The following UBE4B variants were observed in gnomAD, a reference collection of about 807,000 sequenced individuals.
UBE4B encodes ubiquitin conjugation factor E4 B.
In UBE4B, 27 loss-of-function variants were observed where a neutral mutation model predicts 148.1. The observed-to-expected ratio is 0.18, with a 90% CI of 0.13 to 0.25. The LOEUF (loss-of-function observed/expected upper bound fraction) is 0.25, where lower values mean the gene tolerates loss of function less well. Among genes scored for constraint, UBE4B ranks in the 10% least tolerant of loss-of-function variants. UBE4B has a pLI of 1.00. For synonymous variants in UBE4B, 596 were observed against 619.3 expected (o/e 0.96, Z 0.56); for missense variants, 1,170 against 1,662.4 (o/e 0.70, Z 5.15).
rs376448750 is a variant in UBE4B, at chr1:10,125,746, A to C, written c.1555-1048A>C. 5.9e-5 allele frequency among the ~76,000 whole-genome samples: 9 copies of C among 152,352 alleles called. No individual in the cohort carries two copies. The South Asian group carries it at 1.9e-3, about 32-fold the overall frequency. ...TGAAATTTGAAGATGAGCTAGGCTG[A>C]GTAAATCTTACATGGTGTTACCTGG... is the stretch of plus-strand genomic sequence containing the variant. On this transcript the variant is annotated intron_variant, in intron 10 of 27. Transcript: ENST00000343090.
chr1:10,053,322 T>A (rs1211082805), intron 1 of UBE4B, among the ~76,000 whole-genome samples: 1 of 151,878 alleles, frequency 6.6e-6, no homozygotes, highest in Non-Finnish European at 1.5e-5. Context: ...CTAATTTTTT[T>A]GTATTTTTAG....
chr1:10,049,159 ATTAT>A, intron 1 of UBE4B, among the ~76,000 whole-genome samples: 1 of 152,286 alleles, frequency 6.6e-6, no homozygotes, highest in African/African-American at 2.4e-5. Context: ...AGACTTGAAT[ATTAT>A]TTAATTTGTT....
At chr1:10,111,722 C>T (rs1320391961) in intron 7 of UBE4B, among the ~76,000 whole-genome samples, 1 of 152,052 alleles carries the variant, frequency 6.6e-6, no homozygotes, top group Non-Finnish European at 1.5e-5. Flanking sequence ...TTTGAGAGGC[C>T]GAGGTGGGCG....
chr1:10,050,078 G>C (rs546904455), intron 1 of UBE4B, among the ~76,000 whole-genome samples: 4 of 152,052 alleles, frequency 2.6e-5, no homozygotes, highest in Non-Finnish European at 5.9e-5. Context: ...GATCTGAAAG[G>C]CTGGTTTTTT....
intron 1 of UBE4B, among the ~76,000 whole-genome samples, chr1:10,057,302 T>A (rs948411021): frequency 1.3e-5 from 2 of 152,088 alleles, no homozygotes; most frequent in African/African-American, 4.8e-5. Context: ...CAATTTTTGT[T>A]ACAGTTTATA....
chr1:10,032,968 G>T lies in UBE4B; in HGVS notation c.-703G>T, dbSNP rs924247200. The T allele has an allele frequency of 1.3e-5, 2 of 152,258 alleles. No individual in the cohort carries two copies. The highest frequency in any genetic ancestry group is 2.4e-5 in the African/African-American group (1 of 41,460). The allele number at this position is 152,258 out of a possible 1,614,324, so 9.4% of individuals were successfully genotyped here. On this transcript the variant is annotated 5_prime_UTR_variant, in exon 1 of 28. Transcript: ENST00000343090. Reference sequence around the variant, plus strand: ...CGGGGGTCACGTGATCCCTTTCAAAGATGGCCGCCCTGTTGTTTTGATGAA... The same window carrying T: ...CGGGGGTCACGTGATCCCTTTCAAATATGGCCGCCCTGTTGTTTTGATGAA...
intron 23 of UBE4B, among the ~76,000 whole-genome samples, chr1:10,165,851 TG>T (rs1336754984): frequency 2.0e-5 from 3 of 152,186 alleles, no homozygotes; most frequent in African/African-American, 7.2e-5. Context: ...TGTGTCTGTC[TG>T]GGTATTTGTT....
At chr1:10,054,098 C>T (rs1336841129) in intron 1 of UBE4B, among the ~76,000 whole-genome samples, 2 of 151,974 alleles carry the variant, frequency 1.3e-5, no homozygotes, top group Non-Finnish European at 2.9e-5. Flanking sequence ...ATTTTTGACA[C>T]ATAAACATTT....
At chr1:10,096,975 G>C (rs1433073046) in intron 3 of UBE4B, among the ~76,000 whole-genome samples, 2 of 151,360 alleles carry the variant, frequency 1.3e-5, no homozygotes, top group Non-Finnish European at 2.9e-5. Context: ...GGAGGTGTAG[G>C]CTACAGTGAA....
intron 24 of UBE4B, among the ~76,000 whole-genome samples, chr1:10,169,835 C>T (rs1353730230): frequency 2.0e-5 from 3 of 151,984 alleles, no homozygotes; most frequent in Admixed American, 1.3e-4. Flanking sequence ...GCCAACATGG[C>T]GAAACCCCGT....
At chr1:10,090,296 T>C (rs1477905044) in intron 2 of UBE4B, among the ~76,000 whole-genome samples, 1 of 152,128 alleles carries the variant, frequency 6.6e-6, no homozygotes, top group South Asian at 2.1e-4. Flanking sequence ...ATTTTTGTAT[T>C]TTTCATAGAG....
At chr1:10,153,216 T>C (rs1276440442) in intron 21 of UBE4B, among the ~76,000 whole-genome samples, 2 of 151,330 alleles carry the variant, frequency 1.3e-5, no homozygotes, top group Admixed American at 1.3e-4. Flanking sequence ...CTACAAAGAG[T>C]GCATGTGGGC....
chr1:10,107,275 GTGA>G, intron 7 of UBE4B: 5 of 1,289,652 alleles, frequency 3.9e-6, no homozygotes, highest in Non-Finnish European at 5.1e-6. Flanking sequence ...GGGGACAGTA[GTGA>G]TGAAGAAGAT....
intron 1 of UBE4B, among the ~76,000 whole-genome samples, chr1:10,052,932 T>G (rs533132603): frequency 6.6e-6 from 1 of 152,158 alleles, no homozygotes; most frequent in Non-Finnish European, 1.5e-5. Context: ...AGATACCTGT[T>G]TTCTCACTGT....
intron 1 of UBE4B, among the ~76,000 whole-genome samples, chr1:10,044,170 C>T (rs1381530044): frequency 2.0e-5 from 3 of 152,010 alleles, no homozygotes; most frequent in South Asian, 4.2e-4. Flanking sequence ...CTCAGCCTCC[C>T]GAGTAGCTGG....
chr1:10,121,386 T>C (rs1320844775), intron 9 of UBE4B, among the ~76,000 whole-genome samples: 1 of 151,932 alleles, frequency 6.6e-6, no homozygotes, highest in African/African-American at 2.4e-5. Flanking sequence ...AAAAAAAACA[T>C]ATAATACTTC....
At chr1:10,124,591 G>A (rs1203238512) in intron 10 of UBE4B, among the ~76,000 whole-genome samples, 1 of 152,202 alleles carries the variant, frequency 6.6e-6, no homozygotes, top group Non-Finnish European at 1.5e-5. Flanking sequence ...TTTATCTAGA[G>A]AGGAATGATA....
Position 10,137,054 on chromosome 1 carries a change from T to C in UBE4B, c.2225-13T>C. 6.2e-7 allele frequency: 1 copy of C among 1,614,122 alleles called. No individual in the cohort carries two copies. The highest frequency in any genetic ancestry group is 8.5e-7 in the Non-Finnish European group (1 of 1,179,974). On this transcript the variant is annotated splice_polypyrimidine_tract_variant and intron_variant, in intron 16 of 27. Transcript: ENST00000343090. ...AATAGATTTTATTTAGGGAATGATG[T>C]TATTTTTCCTAGATGGCGATCAGCC...
At position 10,105,726 on chromosome 1, in the gene UBE4B, G is replaced by A. The variant is rs1366169996; in HGVS notation, c.791G>A (p.Gly264Asp). Residue 264 changes from glycine to aspartate, a missense_variant, in exon 6 of 28, where the codon GGT becomes GAT. Coordinates refer to ENST00000343090, the MANE Select transcript of UBE4B (RefSeq NM_001105562.3). ...SPMFCSVASF[G>D]ASSLSSLYES... ...ATGTTCTGCAGCGTGGCTTCCTTTG[G>A]TGCCAGCTCTTTGTCTAGGTCAGTG... The A allele has an allele frequency of 2.5e-6, 4 of 1,613,912 alleles. No individual in the cohort carries two copies. Among genetic ancestry groups the A allele is most frequent in the Non-Finnish European group, 3.4e-6 (4 of 1,180,040 alleles).
Sources: allele counts gnomAD v4.1 joint callset (sites outside exome capture counted in the v4.1 genomes callset), GRCh38; gene constraint gnomAD v4.1.1; transcripts MANE v1.5; gene names NCBI Gene and HGNC (gene_info 2026-07-23, HGNC 2026-07-21).